The following ZNF730 variants were observed in gnomAD, a reference collection of about 807,000 sequenced individuals.
ZNF730 encodes zinc finger protein 730.
ZNF730 carries 12 observed loss-of-function variants against 12.6 expected under a neutral mutation model. The ratio of observed to expected loss-of-function variants is 0.95; its 90% CI spans 0.61 to 1.54. ZNF730 has a LOEUF of 1.54. Among genes scored for constraint, ZNF730 ranks in the 40% most tolerant of loss-of-function variants. ZNF730 has a pLI of 0.00. For missense variants in ZNF730, 643 were observed against 583.5 expected, an observed-to-expected ratio of 1.10 and a Z score of -1.05; for synonymous variants, 194 against 195.8, an observed-to-expected ratio of 0.99 and a Z score of 0.08.
Position 23,146,573 on chromosome 19 carries a change from G to A in ZNF730, c.*17G>A. 6.3e-7 allele frequency: 1 copy of A among 1,589,750 alleles called. No individual in the cohort carries two copies. Among genetic ancestry groups the A allele is most frequent in the Non-Finnish European group, 8.6e-7 (1 of 1,169,578 alleles). On this transcript the variant is annotated 3_prime_UTR_variant, in exon 4 of 4. Transcript: ENST00000597761. ...CATACATAAAATTGTAAAGACTGTG[G>A]CAAAGCTTTTAAACAATCTTTATAC... is the stretch of plus-strand genomic sequence containing the variant.
rs1970783764 is a variant in ZNF730 at position 23,134,065 on chromosome 19, G to A, written c.4-15G>A. Reference sequence around the variant, plus strand: ...GGGCACTTGGTAAATATGTGTGTTTGTTTGTGTTTTTCAGGGAGCGTTGAC... The same window carrying A: ...GGGCACTTGGTAAATATGTGTGTTTATTTGTGTTTTTCAGGGAGCGTTGAC... On this transcript the variant is annotated splice_polypyrimidine_tract_variant and intron_variant, in intron 1 of 3. Coordinates refer to ENST00000597761, the MANE Select transcript of ZNF730 (RefSeq NM_001277403.2). The A allele has an allele frequency of 6.2e-7, 1 of 1,612,210 alleles. No individual in the cohort carries two copies. Among genetic ancestry groups the A allele is most frequent in the African/African-American group, 1.3e-5 (1 of 74,978 alleles).
At chr19:23,136,109 A>AG (rs1970828933) in intron 3 of ZNF730, 66 bp downstream of exon 3, 1 of 1,202,446 alleles carries the variant, frequency 8.3e-7, no homozygotes, top group Admixed American at 3.0e-5. Context: ...AAGAAAAAAA[A>AG]CCAGTTTTTA....
At chr19:23,078,566 G>T (rs1184187145) in intron 1 of ZNF730, among the ~76,000 whole-genome samples, 1 of 152,134 alleles carries the variant, frequency 6.6e-6, no homozygotes, top group Non-Finnish European at 1.5e-5. Flanking sequence ...CCCCTCTCTT[G>T]AGATGGTAGA....
intron 3 of ZNF730, among the ~76,000 whole-genome samples, chr19:23,137,398 T>C (rs1970850468): frequency 6.6e-6 from 1 of 152,202 alleles, no homozygotes; most frequent in Admixed American, 6.5e-5. Flanking sequence ...TTTAAGTGTA[T>C]GGAACCATAA....
intron 1 of ZNF730, among the ~76,000 whole-genome samples, chr19:23,083,507 A>G (rs972179769): frequency 2.6e-5 from 4 of 152,078 alleles, no homozygotes; most frequent in Admixed American, 6.6e-5. Flanking sequence ...AGGAACCTCC[A>G]TACTATTTTC....
chr19:23,082,859 G>A (rs1471911142), intron 1 of ZNF730, among the ~76,000 whole-genome samples: 2 of 151,996 alleles, frequency 1.3e-5, no homozygotes, highest in Middle Eastern at 3.2e-3. Flanking sequence ...GTGCCACCAT[G>A]CCCAACTAAT....
intron 1 of ZNF730, among the ~76,000 whole-genome samples, chr19:23,083,163 C>T (rs2145448235): frequency 6.6e-6 from 1 of 151,950 alleles, no homozygotes; most frequent in South Asian, 2.1e-4. Flanking sequence ...CGGTGGCTCA[C>T]ATCTGTAATT....
chr19:23,101,260 GA>G (rs1322078148), intron 1 of ZNF730, among the ~76,000 whole-genome samples: 1 of 147,364 alleles, frequency 6.8e-6, no homozygotes, highest in African/African-American at 2.5e-5. Context: ...CAGAGACTGT[GA>G]AAAGTTGAAT....
intron 1 of ZNF730, among the ~76,000 whole-genome samples, chr19:23,086,672 G>C (rs1458344390): frequency 6.6e-6 from 1 of 152,114 alleles, no homozygotes; most frequent in Non-Finnish European, 1.5e-5. Flanking sequence ...GTACCATGCT[G>C]TTTTAGTTTC....
At chr19:23,136,672 A>G (rs1970836924) in intron 3 of ZNF730, among the ~76,000 whole-genome samples, 1 of 149,486 alleles carries the variant, frequency 6.7e-6, no homozygotes. Flanking sequence ...TGCATATTCC[A>G]TGCCGTTTTA....
chr19:23,136,464 G>C (rs1465563967), intron 3 of ZNF730, among the ~76,000 whole-genome samples: 2 of 152,072 alleles, frequency 1.3e-5, no homozygotes, highest in Non-Finnish European at 2.9e-5. Flanking sequence ...GAGTGCAGTG[G>C]TGCGATCTCG....
intron 1 of ZNF730, among the ~76,000 whole-genome samples, chr19:23,101,726 C>G (rs1044924917): frequency 3.9e-5 from 6 of 152,174 alleles, no homozygotes; most frequent in African/African-American, 1.4e-4. Flanking sequence ...TGCACCACCA[C>G]ACCCAACTAG....
In ZNF730 at chr19:23,134,168, A is replaced by C; in HGVS notation, c.92A>C (p.Asn31Thr). The change falls in exon 2 of 4, where the codon AAT becomes ACT. Residue 31 changes from asparagine to threonine, a missense_variant. By Grantham distance (65) the Asn-to-Thr change is moderately conservative. Coordinates refer to ENST00000597761, the MANE Select transcript of ZNF730 (RefSeq NM_001277403.2). ...ACCGAACAACAGAATTTATATAGAA[A>C]TGTAATGTTAGATAACTACAGAAAC... ...LDTEQQNLYR[N>T]VMLDNYRNLV... 1 of 1,612,612 alleles carries C rather than the reference A, an allele frequency of 6.2e-7. No homozygotes were observed. Among genetic ancestry groups the C allele is most frequent in the Non-Finnish European group, 8.5e-7 (1 of 1,179,298 alleles).
upstream of ZNF730, among the ~76,000 whole-genome samples, chr19:23,115,344 T>C (rs1970506086): frequency 6.6e-6 from 1 of 152,174 alleles, no homozygotes; most frequent in Non-Finnish European, 1.5e-5. Context: ...AAACCACATA[T>C]GCAAAAAAGG....
intron 1 of ZNF730, chr19:23,128,184 T>A (rs890831042): frequency 4.3e-5 from 36 of 831,796 alleles, no homozygotes; most frequent in Admixed American, 2.1e-4. Flanking sequence ...GAGGCTTGTC[T>A]ATCCCTCACA....
At chr19:23,141,317 C>T (rs1022935727) in intron 3 of ZNF730, among the ~76,000 whole-genome samples, 2 of 151,988 alleles carry the variant, frequency 1.3e-5, no homozygotes, top group Non-Finnish European at 2.9e-5. Flanking sequence ...ATCACTTGAA[C>T]CCAGGAGGCA....
At chr19:23,093,463 G>T (rs949753773) in intron 1 of ZNF730, among the ~76,000 whole-genome samples, 7 of 152,216 alleles carry the variant, frequency 4.6e-5, no homozygotes, top group African/African-American at 1.7e-4. Flanking sequence ...ATGCTGCATG[G>T]TGGGTGCCCC....
At chr19:23,114,306 T>TTTTC (rs1568309535), upstream of ZNF730, among the ~76,000 whole-genome samples, 5 of 52,152 alleles carry the variant, frequency 9.6e-5, no homozygotes, top group African/African-American at 2.7e-4. Flanking sequence ...TTTTCTTTTC[T>TTTTC]TTTTTTTTTT....
rs1009038853 is a variant in ZNF730 at position 23,087,619 on chromosome 19, T to C, written c.-94+12232T>C. On this transcript the variant is annotated intron_variant, in intron 1 of 2. Coordinates refer to the ZNF730 transcript ENST00000593635. The stretch of plus-strand genomic sequence containing the variant: ...CTTTATTTTTCTTGTCTTTTCTTGC[T>C]TTTTTTTTTTTTTTGAGACGGAGTT... 4.3e-4 allele frequency among the ~76,000 whole-genome samples: 51 copies of C among 118,452 alleles called. 1 individual carries two copies. Among genetic ancestry groups the C allele is most frequent in the Admixed American group, 2.1e-3 (26 of 12,248 alleles). 77.7% of individuals were successfully genotyped at this position (118,452 alleles called of 152,430 possible).
Sources: gnomAD v4.1 joint callset for allele counts (sites outside exome capture counted in the v4.1 genomes callset) on GRCh38, gnomAD v4.1.1 for gene constraint, MANE v1.5 for transcripts, NCBI Gene and HGNC (gene_info 2026-07-23, HGNC 2026-07-21) for gene names.